Variants in TTC7B observed in about 807,000 individuals in gnomAD.
The protein encoded by TTC7B is tetratricopeptide repeat protein 7B.
Under a neutral mutation model 106.8 loss-of-function variants are expected in TTC7B, and 28 were observed. That is an observed-to-expected ratio of 0.26 (90% CI 0.19 to 0.36). The LOEUF (loss-of-function observed/expected upper bound fraction) is 0.36. TTC7B is among the 10% of genes least tolerant of loss of function. TTC7B has a pLI of 1.00. For missense variants in TTC7B, 862 were observed against 1,076.4 expected, an observed-to-expected ratio of 0.80 and a Z score of 2.79; for synonymous variants, 405 against 430.6, an observed-to-expected ratio of 0.94 and a Z score of 0.74.
chr14:90,772,306 A>C (rs997003965), intron 3 of TTC7B, among the ~76,000 whole-genome samples: 1 of 152,200 alleles, frequency 6.6e-6, no homozygotes, highest in Non-Finnish European at 1.5e-5. Context: ...AGCCTCGTGT[A>C]TAACAGTGAA....
chr14:90,672,616 T>C (rs1434390690), intron 9 of TTC7B, among the ~76,000 whole-genome samples: 1 of 152,226 alleles, frequency 6.6e-6, no homozygotes, highest in Non-Finnish European at 1.5e-5. Context: ...TTACTGGCAC[T>C]CCCAACCTAT....
chr14:90,641,112 T>C (rs985169084), intron 15 of TTC7B, among the ~76,000 whole-genome samples: 3 of 152,208 alleles, frequency 2.0e-5, no homozygotes, highest in Non-Finnish European at 4.4e-5. Context: ...GATTCTACTG[T>C]TGTCTCAGCC....
intron 18 of TTC7B, among the ~76,000 whole-genome samples, chr14:90,589,429 T>A (rs1483539579): frequency 6.6e-6 from 1 of 152,230 alleles, no homozygotes; most frequent in East Asian, 1.9e-4. Flanking sequence ...TTTTAAATCA[T>A]CTCTAGATTA....
intron 19 of TTC7B, among the ~76,000 whole-genome samples, chr14:90,567,101 G>A (rs1369969800): frequency 6.6e-6 from 1 of 152,230 alleles, no homozygotes; most frequent in Non-Finnish European, 1.5e-5. Context: ...GATCTGTGCA[G>A]GGGAGAGAGG....
intron 8 of TTC7B, chr14:90,677,684 G>A (rs770060826): frequency 1.7e-5 from 6 of 343,598 alleles, no homozygotes; most frequent in East Asian, 9.1e-5. Context: ...CACTTGTCCC[G>A]GCAGGCTGAC....
chr14:90,775,465 C>A (rs764070257), intron 3 of TTC7B, among the ~76,000 whole-genome samples: 3 of 152,068 alleles, frequency 2.0e-5, no homozygotes, highest in Non-Finnish European at 4.4e-5. Context: ...ACAGCCTGAC[C>A]CCAAGCTTCA....
At chr14:90,729,449 C>G (rs1260163509) in intron 5 of TTC7B, among the ~76,000 whole-genome samples, 1 of 152,158 alleles carries the variant, frequency 6.6e-6, no homozygotes, top group African/African-American at 2.4e-5. Context: ...GGTCTTCATG[C>G]ACATCTATCC....
intron 9 of TTC7B, among the ~76,000 whole-genome samples, chr14:90,668,888 T>A (rs1241528695): frequency 6.8e-6 from 1 of 147,742 alleles, no homozygotes; most frequent in Non-Finnish European, 1.5e-5. Context: ...CAAACTCATA[T>A]GGAATTGTAA....
intron 7 of TTC7B, among the ~76,000 whole-genome samples, chr14:90,684,566 A>G (rs1244811427): frequency 6.6e-6 from 1 of 152,246 alleles, no homozygotes; most frequent in Non-Finnish European, 1.5e-5. Context: ...ACACTGCTAC[A>G]TGAAGAAATA....
At chr14:90,555,469 G>A (rs563436251) in intron 19 of TTC7B, among the ~76,000 whole-genome samples, 3 of 152,306 alleles carry the variant, frequency 2.0e-5, no homozygotes, top group East Asian at 3.9e-4. Context: ...CTGCCCTATC[G>A]CGTGCACGCT....
intron 17 of TTC7B, among the ~76,000 whole-genome samples, chr14:90,610,075 T>A (rs975620497): frequency 1.1e-4 from 16 of 152,340 alleles, no homozygotes; most frequent in African/African-American, 3.8e-4. Flanking sequence ...TAGACTTGGG[T>A]CCAATCCCAG....
chr14:90,623,449 C>T (rs752691264), intron 15 of TTC7B, among the ~76,000 whole-genome samples: 7 of 152,224 alleles, frequency 4.6e-5, no homozygotes, highest in Middle Eastern at 3.4e-3. Context: ...ATGAAGATAG[C>T]GGCACTAAAG....
At chr14:90,652,708 C>T (rs756170333) in intron 13 of TTC7B, 133 bp downstream of exon 13, 59 of 914,278 alleles carry the variant, frequency 6.5e-5, no homozygotes, top group Middle Eastern at 3.0e-4. Flanking sequence ...GCTGTGTGTT[C>T]GGTGCTCAGG....
Position 90,742,217 on chromosome 14 carries a change from A to T in TTC7B, c.576+2575T>A, listed in dbSNP as rs1237557216. Among the ~76,000 whole-genome samples the T allele has an allele frequency of 1.3e-5, 2 of 151,308 alleles. No individual in the cohort carries two copies. The highest frequency in any genetic ancestry group is 3.0e-5 in the Non-Finnish European group (2 of 67,792). ...CACCATGCCTAGCTAGTTTCGTTTC[A>T]TTTCGTTTCGTTCGCTTCTTTCTTT... On this transcript the variant is annotated intron_variant, in intron 4 of 19. Transcript: ENST00000328459. This position sits in a 1 kb window ranked among gnomAD's most constrained non-coding sequence, Gnocchi z 4.1.
chr14:90,552,929 G>A (rs1209027120), intron 19 of TTC7B, among the ~76,000 whole-genome samples: 1 of 152,220 alleles, frequency 6.6e-6, no homozygotes, highest in East Asian at 1.9e-4. Context: ...CCAGTTACCA[G>A]CAGCCAGTCC....
intron 9 of TTC7B, among the ~76,000 whole-genome samples, chr14:90,665,472 G>A (rs1886374390): frequency 1.3e-5 from 2 of 152,180 alleles, no homozygotes; most frequent in Admixed American, 1.3e-4. Context: ...TCTGGCATCA[G>A]AAAGGGATTT....
At chr14:90,809,269 G>A (rs916291740) in intron 1 of TTC7B, among the ~76,000 whole-genome samples, 4 of 152,208 alleles carry the variant, frequency 2.6e-5, no homozygotes, top group African/African-American at 9.6e-5. Flanking sequence ...TTAAGCAAAA[G>A]GAAATCTTTC....
intron 6 of TTC7B, among the ~76,000 whole-genome samples, chr14:90,692,134 G>A (rs1887499084): frequency 6.6e-6 from 1 of 152,056 alleles, no homozygotes; most frequent in Non-Finnish European, 1.5e-5. Flanking sequence ...CATGTGTATT[G>A]CTTCCAACTT....
At chr14:90,634,792 AAGAAG>A (rs1223444270) in intron 15 of TTC7B, among the ~76,000 whole-genome samples, 1 of 152,110 alleles carries the variant, frequency 6.6e-6, no homozygotes, top group African/African-American at 2.4e-5. Flanking sequence ...CAAAACAAAA[AAGAAG>A]AGAAGTAATA....
Sources: gnomAD v4.1 joint callset for allele counts (sites outside exome capture counted in the v4.1 genomes callset) on GRCh38, gnomAD v4.1.1 for gene constraint, Gnocchi (gnomAD v3.1) non-coding constraint, MANE v1.5 for transcripts, NCBI Gene and HGNC (gene_info 2026-07-23, HGNC 2026-07-21) for gene names.